PRR16: variants seen among roughly 807,000 people sequenced by gnomAD.
PRR16 encodes the protein protein Largen.
Under a neutral mutation model 18.2 loss-of-function variants are expected in PRR16, and 6 were observed. That is an observed-to-expected ratio of 0.33 (90% CI 0.18 to 0.65). PRR16 has a LOEUF of 0.65. Among genes scored for constraint, PRR16 ranks in the 30% least tolerant of loss-of-function variants. The probability of loss-of-function intolerance (pLI) is 0.74; values close to 1 mark genes in which losing one functional copy is unlikely to be tolerated. For synonymous variants in PRR16, 151 were observed against 147.8 expected (o/e 1.02, Z -0.16); for missense variants, 412 against 376.6 (o/e 1.09, Z -0.78).
intron 1 of PRR16, among the ~76,000 whole-genome samples, chr5:120,603,025 C>A (rs2112793045): frequency 6.6e-6 from 1 of 151,934 alleles, no homozygotes; most frequent in Non-Finnish European, 1.5e-5. Flanking sequence ...CTGCAGTTTC[C>A]TTTTTTGCTG....
At chr5:120,736,956 G>A in the PRR16 span, among the ~76,000 whole-genome samples, 1 of 152,084 alleles carries the variant, frequency 6.6e-6, no homozygotes, top group Non-Finnish European at 1.5e-5. Context: ...CTTTGCTAAA[G>A]TCTGTTATTA....
chr5:120,762,292 A>G, the PRR16 span, among the ~76,000 whole-genome samples: 1 of 152,154 alleles, frequency 6.6e-6, no homozygotes, highest in East Asian at 1.9e-4. Flanking sequence ...AAATCTCCAT[A>G]CTGTTTTTCA....
At chr5:120,712,271 C>G in the PRR16 span, among the ~76,000 whole-genome samples, 1 of 152,052 alleles carries the variant, frequency 6.6e-6, no homozygotes, top group African/African-American at 2.4e-5. Context: ...ATACACAATA[C>G]ACAATATGCA....
chr5:120,741,723 TC>T, the PRR16 span, among the ~76,000 whole-genome samples: 1 of 151,952 alleles, frequency 6.6e-6, no homozygotes, highest in African/African-American at 2.4e-5. Context: ...TGTCTCAGCC[TC>T]CGAGTAGCTG....
intron 1 of PRR16, among the ~76,000 whole-genome samples, chr5:120,566,276 T>G (rs1474760354): frequency 6.6e-6 from 1 of 152,206 alleles, no homozygotes; most frequent in Non-Finnish European, 1.5e-5. Context: ...AATCTTGGAC[T>G]TCCTTGCCTC....
chr5:120,464,540 G>A lies in PRR16; in HGVS notation c.54G>A (p.Pro18=), dbSNP rs779874884. 1.3e-6 allele frequency: 2 copies of A among 1,591,566 alleles called. No individual in the cohort carries two copies. Among genetic ancestry groups the A allele is most frequent in the South Asian group, 1.1e-5 (1 of 89,226 alleles). The part of the protein sequence containing the change: ...NPSSSCPAEG[P]PAASKTKVKE... ...CCTCGTCCTGTCCAGCCGAGGGACC[G>A]CCGGCAGCCTCCAAAACCAAGGTGA... The change falls in exon 1 of 2, where the codon CCG becomes CCA. Residue 18 remains proline (P), a synonymous_variant. Coordinates refer to ENST00000407149, the MANE Select transcript of PRR16 (RefSeq NM_001300783.2).
intron 1 of PRR16, among the ~76,000 whole-genome samples, chr5:120,487,189 C>G (rs910545523): frequency 6.6e-6 from 1 of 152,190 alleles, no homozygotes; most frequent in Non-Finnish European, 1.5e-5. Context: ...TGAAGAAAGT[C>G]ACTGGTAGCT....
chr5:120,584,636 C>T (rs899952756), intron 1 of PRR16, among the ~76,000 whole-genome samples: 3 of 152,072 alleles, frequency 2.0e-5, no homozygotes, highest in African/African-American at 7.2e-5. Flanking sequence ...AGATTATCTG[C>T]ATTTTATAAT....
At chr5:120,707,633 T>C in the PRR16 span, among the ~76,000 whole-genome samples, 3 of 152,212 alleles carry the variant, frequency 2.0e-5, no homozygotes, top group Admixed American at 2.0e-4. Context: ...CACATGAGTC[T>C]CTAGGATATT....
intron 1 of PRR16, among the ~76,000 whole-genome samples, chr5:120,669,510 C>A (rs573193692): frequency 3.9e-4 from 60 of 151,984 alleles, no homozygotes; most frequent in African/African-American, 1.4e-3. Flanking sequence ...ACAAATTACT[C>A]AGAATATTTA....
At chr5:120,538,953 G>A (rs1751820070) in intron 1 of PRR16, among the ~76,000 whole-genome samples, 1 of 152,100 alleles carries the variant, frequency 6.6e-6, no homozygotes, top group African/African-American at 2.4e-5. Context: ...AATGAGTGAA[G>A]TAAAATACAG....
chr5:120,620,988 A>C (rs550657944), intron 1 of PRR16, among the ~76,000 whole-genome samples: 2 of 152,244 alleles, frequency 1.3e-5, no homozygotes, highest in East Asian at 3.9e-4. Flanking sequence ...AGTTTTCTCT[A>C]TGTCAGTAAA....
At position 120,674,029 on chromosome 5, in the gene PRR16, T is replaced by A. The variant is rs113338180; in HGVS notation, c.160-11925T>A. ...GTACAAATACTTCCTACATTTTTTT[T>A]ATCAATGCTGTAAATACACATCTTT... On this transcript the variant is annotated intron_variant, in intron 1 of 1. Transcript: ENST00000407149. Among the ~76,000 whole-genome samples, 4 of 152,040 alleles carry A rather than the reference T, an allele frequency of 2.6e-5. No individual in the cohort carries two copies. The East Asian group carries it at 5.8e-4, about 22-fold the overall frequency.
intron 1 of PRR16, among the ~76,000 whole-genome samples, chr5:120,472,033 T>C (rs1287036457): frequency 6.6e-6 from 1 of 152,156 alleles, no homozygotes; most frequent in Non-Finnish European, 1.5e-5. Context: ...ACTGAATTTA[T>C]ATTCATCATC....
At chr5:120,539,623 C>A (rs764510386) in intron 1 of PRR16, among the ~76,000 whole-genome samples, 1 of 151,896 alleles carries the variant, frequency 6.6e-6, no homozygotes, top group Non-Finnish European at 1.5e-5. Flanking sequence ...ATGCAATTTA[C>A]CCATGTAACA....
At chr5:120,475,444 A>T (rs1381681525) in intron 1 of PRR16, among the ~76,000 whole-genome samples, 1 of 150,202 alleles carries the variant, frequency 6.7e-6, no homozygotes, top group Non-Finnish European at 1.5e-5. Context: ...TTGCTTCCTT[A>T]TCCTCTTCTT....
At chr5:120,609,592 T>A (rs555435147) in intron 1 of PRR16, among the ~76,000 whole-genome samples, 1 of 152,334 alleles carries the variant, frequency 6.6e-6, no homozygotes, top group Admixed American at 6.5e-5. Context: ...AAATAATGGC[T>A]ATCTTATTGA....
intron 1 of PRR16, among the ~76,000 whole-genome samples, chr5:120,484,629 C>G (rs1749732061): frequency 6.9e-6 from 1 of 144,708 alleles, no homozygotes; most frequent in South Asian, 2.1e-4. Context: ...TGTATATACA[C>G]TTATATATAA....
the PRR16 span, among the ~76,000 whole-genome samples, chr5:120,721,265 G>A: frequency 6.6e-6 from 1 of 151,864 alleles, no homozygotes; most frequent in Non-Finnish European, 1.5e-5. Flanking sequence ...CTCATCTTAG[G>A]GGGAAACATA....
Sources: allele counts gnomAD v4.1 joint callset (sites outside exome capture counted in the v4.1 genomes callset), GRCh38; gene constraint gnomAD v4.1.1; transcripts MANE v1.5; gene names NCBI Gene and HGNC (gene_info 2026-07-23, HGNC 2026-07-21).